SIPA1L3: variants seen among roughly 807,000 people sequenced by gnomAD.
SIPA1L3 encodes signal-induced proliferation-associated 1-like protein 3.
Under a neutral mutation model 150.1 loss-of-function variants are expected in SIPA1L3, and 59 were observed. The ratio of observed to expected loss-of-function variants is 0.39; its 90% CI spans 0.32 to 0.49. The LOEUF (loss-of-function observed/expected upper bound fraction) is 0.49. Among genes scored for constraint, SIPA1L3 ranks in the 20% least tolerant of loss-of-function variants. The pLI is 0.86. For missense variants in SIPA1L3, 2,211 were observed against 2,489.5 expected (o/e 0.89, Z 2.38); for synonymous variants, 1,070 against 1,077.6 (o/e 0.99, Z 0.14).
At chr19:38,125,899 C>A (rs1388748108) in intron 9 of SIPA1L3, among the ~76,000 whole-genome samples, 1 of 152,220 alleles carries the variant, frequency 6.6e-6, no homozygotes, top group African/African-American at 2.4e-5. Context: ...TTCGGCCAAG[C>A]GCGGTGGCTC....
intron 13 of SIPA1L3, among the ~76,000 whole-genome samples, chr19:38,159,341 G>A (rs796126961): frequency 2.6e-5 from 4 of 152,280 alleles, no homozygotes; most frequent in Admixed American, 1.3e-4. Flanking sequence ...TTGCAAGCTC[G>A]GGGTCCCACA....
intron 2 of SIPA1L3, among the ~76,000 whole-genome samples, chr19:38,059,066 C>T (rs1969391939): frequency 6.6e-6 from 1 of 151,070 alleles, no homozygotes; most frequent in African/African-American, 2.4e-5. Context: ...TGCCCTGTCA[C>T]CCAGGTTGGA....
rs1409995534 is a variant in SIPA1L3 at position 38,207,084 on chromosome 19, ACT to A, written c.*850_*851del. The A allele has an allele frequency of 6.7e-6, 1 of 148,932 alleles. No homozygotes were observed. The highest frequency in any genetic ancestry group is 2.5e-5 in the African/African-American group (1 of 40,174). The allele number at this position is 148,932 out of a possible 1,614,324, so 9.2% of individuals were successfully genotyped here. ...GGGCGGTGGAGCCACCACACAGCCGACTCTCTCCTCCTCCTCCCGGCACGACC... is the reference window on the plus strand; with the variant it reads ...GGGCGGTGGAGCCACCACACAGCCGACTCTCCTCCTCCTCCCGGCACGACC... On this transcript the variant is annotated 3_prime_UTR_variant, in exon 22 of 22. Transcript: ENST00000222345.
intron 16 of SIPA1L3, among the ~76,000 whole-genome samples, chr19:38,190,294 A>C (rs1972779444): frequency 6.6e-6 from 1 of 152,144 alleles, no homozygotes; most frequent in Non-Finnish European, 1.5e-5. Context: ...TGTGCAGGGC[A>C]TTCTGGGAAA....
chr19:38,100,230 T>C lies in SIPA1L3; in HGVS notation c.1854+80T>C, dbSNP rs534895979. 38 of 1,149,546 alleles carry C rather than the reference T, an allele frequency of 3.3e-5. No individual in the cohort carries two copies. In the South Asian group the frequency reaches 3.9e-4, roughly 12 times the overall value. 71.2% of individuals were successfully genotyped at this position (1,149,546 alleles called of 1,614,324 possible). ...CTCCTGGTAGCTTTTTCTATCTTGGTCACTTTCTTTTTTCTTTGCAAGTAA... is the reference window on the plus strand; with the variant it reads ...CTCCTGGTAGCTTTTTCTATCTTGGCCACTTTCTTTTTTCTTTGCAAGTAA... On this transcript the variant is annotated intron_variant, in intron 5 of 21. Transcript: ENST00000222345.
intron 1 of SIPA1L3, among the ~76,000 whole-genome samples, chr19:37,932,901 A>G (rs937461244): frequency 1.6e-4 from 24 of 151,972 alleles, no homozygotes; most frequent in African/African-American, 5.8e-4. Context: ...TTCTCCCAAG[A>G]GAAGGAATCG....
chr19:37,973,116 G>A (rs1052531773), intron 1 of SIPA1L3, among the ~76,000 whole-genome samples: 1 of 151,998 alleles, frequency 6.6e-6, no homozygotes, highest in Non-Finnish European at 1.5e-5. Context: ...ATACTGTACT[G>A]CAGTACACAC....
At chr19:37,986,711 C>T (rs1442263524) in intron 1 of SIPA1L3, among the ~76,000 whole-genome samples, 1 of 152,178 alleles carries the variant, frequency 6.6e-6, no homozygotes, top group East Asian at 1.9e-4. Context: ...TTACAACGTG[C>T]CCGTGCCTGC....
chr19:37,948,852 A>G (rs1300890396), intron 1 of SIPA1L3, among the ~76,000 whole-genome samples: 1 of 152,184 alleles, frequency 6.6e-6, no homozygotes, highest in African/African-American at 2.4e-5. Context: ...CAAGGCCTGA[A>G]AGATAAGGAG....
At position 38,078,544 on chromosome 19, in the gene SIPA1L3, ACACACAGACACG is replaced by A. The variant is rs535519553; in HGVS notation, c.-310-2701_-310-2690del. 1.3e-3 allele frequency among the ~76,000 whole-genome samples: 195 copies of A among 151,166 alleles called. 3 individuals carry two copies. Among genetic ancestry groups the A allele is most frequent in the East Asian group, 4.5e-3 (23 of 5,166 alleles). On this transcript the variant is annotated intron_variant, in intron 2 of 21. Transcript: ENST00000222345. ...CACACAGACGCACACAGACACGCACACACACAGACACGCACACAGACATACACAGAGACACGC... is the reference window on the plus strand; with the variant it reads ...CACACAGACGCACACAGACACGCACACACACAGACATACACAGAGACACGC...
At chr19:38,144,249 TG>T (rs1206071805) in intron 12 of SIPA1L3, among the ~76,000 whole-genome samples, 5 of 152,238 alleles carry the variant, frequency 3.3e-5, no homozygotes, top group Non-Finnish European at 5.9e-5. Context: ...CGCACGTGCA[TG>T]TATGTGCACC....
chr19:38,177,960 A>G (rs1048122220), intron 15 of SIPA1L3, among the ~76,000 whole-genome samples: 1 of 151,058 alleles, frequency 6.6e-6, no homozygotes, highest in African/African-American at 2.4e-5. Context: ...CCGGAGGCGC[A>G]GAGGTTGCAG....
intron 1 of SIPA1L3, among the ~76,000 whole-genome samples, chr19:37,983,020 T>G (rs1967240059): frequency 6.6e-6 from 1 of 152,212 alleles, no homozygotes; most frequent in African/African-American, 2.4e-5. Flanking sequence ...CAGGCCATGT[T>G]GAAATTGCCT....
intron 1 of SIPA1L3, among the ~76,000 whole-genome samples, chr19:37,982,247 TC>T (rs1967219058): frequency 6.6e-6 from 1 of 152,222 alleles, no homozygotes; most frequent in Admixed American, 6.5e-5. Flanking sequence ...ACCAGTTTCT[TC>T]AGGGCAGGTC....
chr19:37,928,926 G>C lies in SIPA1L3; in HGVS notation c.-379+21568G>C, dbSNP rs145910558. Among the ~76,000 whole-genome samples the C allele has an allele frequency of 5.6e-4, 85 of 152,284 alleles. No individual in the cohort carries two copies. The East Asian group carries it at 0.014, about 26-fold the overall frequency. Reference sequence around the variant, plus strand: ...TCCTTCAAGCCACTCTGCCATCCATGGTGTGTCTCCTGTGTCCCTAGGCTC... The same window carrying C: ...TCCTTCAAGCCACTCTGCCATCCATCGTGTGTCTCCTGTGTCCCTAGGCTC... On this transcript the variant is annotated intron_variant, in intron 1 of 21. Transcript: ENST00000222345.
chr19:38,192,556 C>T (rs1972827483), intron 17 of SIPA1L3, among the ~76,000 whole-genome samples: 1 of 152,214 alleles, frequency 6.6e-6, no homozygotes, highest in African/African-American at 2.4e-5. Context: ...CTACCCCATA[C>T]CGAGAACCTC....
At chr19:38,083,193 CT>C in intron 3 of SIPA1L3, 94 bp downstream of exon 3, 1 of 1,249,802 alleles carries the variant, frequency 8.0e-7, no homozygotes, top group Non-Finnish European at 1.1e-6. Flanking sequence ...CCAGGCCCTG[CT>C]CTGGCACTGA....
chr19:38,153,052 C>T (rs1971863501), intron 13 of SIPA1L3, 85 bp downstream of exon 13: 6 of 1,490,696 alleles, frequency 4.0e-6, no homozygotes, highest in African/African-American at 1.4e-5. Context: ...CAACACTCCC[C>T]CTCTTGTGAG....
rs955935278 is a variant in SIPA1L3 at position 38,081,828 on chromosome 19, C to T, written c.263C>T (p.Pro88Leu). 1 of 1,613,694 alleles carries T rather than the reference C, an allele frequency of 6.2e-7. No homozygotes were observed. Among genetic ancestry groups the T allele is most frequent in the African/African-American group, 1.3e-5 (1 of 74,940 alleles). Residue 88 changes from proline to leucine, a missense_variant, in exon 3 of 22, where the codon CCC (proline) becomes CTC (leucine). Physicochemically the swap from Pro to Leu is moderately conservative, Grantham distance 98 (BLOSUM62 -3). Around this residue, in one of 5 missense-constraint regions of SIPA1L3, gnomAD observed 130 missense variants for 174.5 expected, o/e 0.74. Coordinates refer to ENST00000222345, the MANE Select transcript of SIPA1L3 (RefSeq NM_015073.3). ...GVRARVADWP[P>L]KREALREHSN... ...CGCGCAAGGGTGGCCGACTGGCCGC[C>T]CAAGCGGGAGGCCCTGAGAGAGCAC...
Sources: allele counts gnomAD v4.1 joint callset (sites outside exome capture counted in the v4.1 genomes callset), GRCh38; gene constraint gnomAD v4.1.1; regional missense constraint gnomAD v4.1.1; transcripts MANE v1.5; gene names NCBI Gene and HGNC (gene_info 2026-07-23, HGNC 2026-07-21).